SNTG1: variants seen among roughly 807,000 people sequenced by gnomAD.
SNTG1 encodes syntrophin gamma 1.
SNTG1 carries 39 observed loss-of-function variants against 74.7 expected under a neutral mutation model. The observed-to-expected ratio is 0.52, with a 90% CI of 0.40 to 0.68. SNTG1 has a LOEUF of 0.68. Among genes scored for constraint, SNTG1 ranks in the 30% least tolerant of loss-of-function variants. The pLI is 0.00. For missense variants in SNTG1, 685 were observed against 609.5 expected, an observed-to-expected ratio of 1.12 and a Z score of -1.30; for synonymous variants, 254 against 217.1, an observed-to-expected ratio of 1.17 and a Z score of -1.49.
At chr8:50,240,967 T>C (rs1438286139) in intron 2 of SNTG1, among the ~76,000 whole-genome samples, 4 of 152,278 alleles carry the variant, frequency 2.6e-5, no homozygotes, top group South Asian at 2.1e-4. Flanking sequence ...AGAAGAAAGG[T>C]AGCCTTAATG....
intron 2 of SNTG1, among the ~76,000 whole-genome samples, chr8:50,387,575 A>G (rs1255650052): frequency 6.6e-6 from 1 of 152,210 alleles, no homozygotes; most frequent in Non-Finnish European, 1.5e-5. Context: ...ATTTACATCC[A>G]GAATTTATGC....
intron 1 of SNTG1, among the ~76,000 whole-genome samples, chr8:49,997,231 T>C (rs1814312421): frequency 6.6e-6 from 1 of 152,170 alleles, no homozygotes; most frequent in Non-Finnish European, 1.5e-5. Flanking sequence ...TATCCAAAGC[T>C]GCACCATCCA....
chr8:49,954,509 C>T (rs1809990950), intron 1 of SNTG1, among the ~76,000 whole-genome samples: 1 of 152,138 alleles, frequency 6.6e-6, no homozygotes, highest in Non-Finnish European at 1.5e-5. Context: ...AATACGTACT[C>T]AAAAGCAATA....
rs2093714638 is a variant in SNTG1 at position 50,478,546 on chromosome 8, T to A, written c.364-24232T>A. On this transcript the variant is annotated intron_variant, in intron 8 of 18. Coordinates refer to ENST00000642720, the MANE Select transcript of SNTG1 (RefSeq NM_018967.5). ...AGTTTTTGTTTTTCAATTCTAGCAT[T>A]TCTGGGATAACTCCTCTTTTGCTAT... 6.6e-5 allele frequency among the ~76,000 whole-genome samples: 10 copies of A among 152,304 alleles called. No individual in the cohort carries two copies. The South Asian group carries it at 2.1e-3, about 32-fold the overall frequency.
At chr8:50,014,169 C>G (rs1353858541) in intron 1 of SNTG1, among the ~76,000 whole-genome samples, 1 of 152,090 alleles carries the variant, frequency 6.6e-6, no homozygotes, top group Admixed American at 6.6e-5. Context: ...GCATTGCAGA[C>G]AGCAGACAGA....
At chr8:50,065,097 A>T (rs533148954) in intron 1 of SNTG1, among the ~76,000 whole-genome samples, 1 of 152,310 alleles carries the variant, frequency 6.6e-6, no homozygotes, top group Admixed American at 6.5e-5. Flanking sequence ...GAATTCCATA[A>T]GATTTAGGTT....
rs548359695 is a variant in SNTG1, at chr8:50,215,637, A to G, written c.-28+43002A>G. 2.0e-5 allele frequency among the ~76,000 whole-genome samples: 3 copies of G among 151,904 alleles called. No individual in the cohort carries two copies. In the East Asian group the frequency reaches 5.8e-4, roughly 29 times the overall value. On this transcript the variant is annotated intron_variant, in intron 2 of 18. Coordinates refer to ENST00000642720, the MANE Select transcript of SNTG1 (RefSeq NM_018967.5). ...TAGCTTAATTTAAAAAATAATTTTA[A>G]AAGTATTATCAATCCAGAGAAACTG...
At chr8:50,565,103 A>C (rs867159426) in intron 12 of SNTG1, among the ~76,000 whole-genome samples, 11 of 152,048 alleles carry the variant, frequency 7.2e-5, no homozygotes, top group African/African-American at 2.2e-4. Context: ...CATCATGGAA[A>C]GATAGTGGAC....
chr8:50,172,659 C>T (rs947476675), intron 2 of SNTG1, 24 bp downstream of exon 2: 2 of 151,532 alleles, frequency 1.3e-5, no homozygotes, highest in South Asian at 2.1e-4. Flanking sequence ...TTTGCAATAA[C>T]GTATCATGTG....
chr8:50,724,626 A>T (rs1044223780), intron 17 of SNTG1, among the ~76,000 whole-genome samples: 1 of 152,138 alleles, frequency 6.6e-6, no homozygotes, highest in African/African-American at 2.4e-5. Flanking sequence ...CATTTTTGGT[A>T]GATTATTTTT....
chr8:50,332,082 T>A (rs1284048161), intron 2 of SNTG1, among the ~76,000 whole-genome samples: 1 of 152,232 alleles, frequency 6.6e-6, no homozygotes, highest in African/African-American at 2.4e-5. Context: ...TAAGCTTCTC[T>A]GACTCTCAAA....
intron 1 of SNTG1, among the ~76,000 whole-genome samples, chr8:50,039,316 A>G (rs1818424633): frequency 6.6e-6 from 1 of 151,922 alleles, no homozygotes; most frequent in South Asian, 2.1e-4. Flanking sequence ...GTAGCGGGGC[A>G]TGGTGGCGGG....
chr8:50,096,292 A>G (rs1265142912), intron 1 of SNTG1, among the ~76,000 whole-genome samples: 2 of 152,206 alleles, frequency 1.3e-5, no homozygotes, highest in African/African-American at 4.8e-5. Flanking sequence ...GGAAGAGTTC[A>G]GCACTTTTTA....
chr8:49,975,126 C>T (rs1585731776), intron 1 of SNTG1, among the ~76,000 whole-genome samples: 1 of 152,024 alleles, frequency 6.6e-6, no homozygotes, highest in Non-Finnish European at 1.5e-5. Context: ...CTAGAGGTGG[C>T]TATGGGCTGT....
rs146679241 is a variant in SNTG1, at chr8:50,570,065, G to C, written c.810+16886G>C. ...TTTCAGTAAAATAGCCTGCTTTGTA[G>C]CTTGGAACAGTACTCACCGGAACTT... is the stretch of plus-strand genomic sequence containing the variant. On this transcript the variant is annotated intron_variant, in intron 12 of 18. Coordinates refer to ENST00000642720, the MANE Select transcript of SNTG1 (RefSeq NM_018967.5). Among the ~76,000 whole-genome samples, 811 of 151,932 alleles carry C rather than the reference G, an allele frequency of 5.3e-3. 7 individuals carry two copies. The highest frequency in any genetic ancestry group is 0.018 in the African/African-American group (753 of 41,482).
intron 1 of SNTG1, among the ~76,000 whole-genome samples, chr8:50,122,238 C>T (rs1470532880): frequency 7.0e-6 from 1 of 142,252 alleles, no homozygotes; most frequent in Non-Finnish European, 1.6e-5. Context: ...TCCTTGGTAA[C>T]TTGTGCCTTA....
chr8:50,206,504 A>G (rs948306028), intron 2 of SNTG1, among the ~76,000 whole-genome samples: 12 of 152,184 alleles, frequency 7.9e-5, no homozygotes, highest in Non-Finnish European at 1.2e-4. Flanking sequence ...CAATCATGTC[A>G]TCTGCAAACA....
intron 18 of SNTG1, among the ~76,000 whole-genome samples, chr8:50,779,706 G>T (rs2095652689): frequency 1.3e-5 from 2 of 151,502 alleles, no homozygotes; most frequent in African/African-American, 4.9e-5. Flanking sequence ...TCCTTCTCCT[G>T]CCTAATTGCC....
At chr8:49,962,916 C>T (rs1019693799) in intron 1 of SNTG1, among the ~76,000 whole-genome samples, 5 of 152,142 alleles carry the variant, frequency 3.3e-5, no homozygotes, top group East Asian at 1.9e-4. Context: ...ACCACAGATT[C>T]CCGGGCTGTT....
Sources: allele counts gnomAD v4.1 joint callset (sites outside exome capture counted in the v4.1 genomes callset), GRCh38; gene constraint gnomAD v4.1.1; transcripts MANE v1.5; gene names NCBI Gene and HGNC (gene_info 2026-07-23, HGNC 2026-07-21).